ARHGAP28: variants seen among roughly 807,000 people sequenced by gnomAD.
The protein encoded by ARHGAP28 is rho GTPase-activating protein 28.
In ARHGAP28, 56 loss-of-function variants were observed where a neutral mutation model predicts 90.7. The observed-to-expected ratio is 0.62, with a 90% confidence interval of 0.50 to 0.77. The LOEUF (loss-of-function observed/expected upper bound fraction) is 0.77. Among genes scored for constraint, ARHGAP28 ranks in the 30% least tolerant of loss-of-function variants. The pLI is 0.00. For synonymous variants in ARHGAP28, 308 were observed against 323.3 expected (o/e 0.95, Z 0.51); for missense variants, 869 against 900.9 (o/e 0.96, Z 0.45).
intron 16 of ARHGAP28, among the ~76,000 whole-genome samples, chr18:6,907,273 A>G (rs1243847155): frequency 1.3e-5 from 2 of 152,110 alleles, no homozygotes; most frequent in Non-Finnish European, 2.9e-5. Flanking sequence ...TAAATCTCCA[A>G]CTGCCGTATG....
At chr18:6,855,434 T>C (rs1174077278) in intron 4 of ARHGAP28, among the ~76,000 whole-genome samples, 2 of 152,174 alleles carry the variant, frequency 1.3e-5, no homozygotes, top group Admixed American at 1.3e-4. Flanking sequence ...TTCAGGTCTC[T>C]TCAGGATGAC....
At chr18:6,857,614 C>T (rs1184774474) in intron 4 of ARHGAP28, among the ~76,000 whole-genome samples, 2 of 152,162 alleles carry the variant, frequency 1.3e-5, no homozygotes, top group Non-Finnish European at 2.9e-5. Flanking sequence ...GGTGTTTCAT[C>T]TTGTCCTCCT....
intron 3 of ARHGAP28, among the ~76,000 whole-genome samples, chr18:6,845,411 AT>A (rs548591959): frequency 2.2e-4 from 33 of 152,122 alleles, no homozygotes; most frequent in South Asian, 8.3e-4. Flanking sequence ...TTAGAATTGC[AT>A]TTTTTTCTTC....
At chr18:6,836,846 A>G (rs1320649899) in intron 2 of ARHGAP28, among the ~76,000 whole-genome samples, 2 of 152,176 alleles carry the variant, frequency 1.3e-5, no homozygotes, top group Admixed American at 6.5e-5. Context: ...TGAAAAACCA[A>G]TTTGTATTCC....
Position 6,910,964 on chromosome 18 carries a change from C to T in ARHGAP28, c.2096-1096C>T, listed in dbSNP as rs796691355. ...GGTTCACGCCATTCTCCTGCCTCAG[C>T]CTCCGGAGTAGCTGGGATTACAGGC... On this transcript the variant is annotated intron_variant, in intron 17 of 17. Coordinates refer to ENST00000383472, the MANE Select transcript of ARHGAP28 (RefSeq NM_001366230.1). Among the ~76,000 whole-genome samples, 5 of 152,116 alleles carry T rather than the reference C, an allele frequency of 3.3e-5. 1 individual carries two copies. The highest frequency in any genetic ancestry group is 1.2e-4 in the African/African-American group (5 of 41,506).
intron 1 of ARHGAP28, 150 bp from the exon 2 acceptor site, chr18:6,824,612 A>C: frequency 3.3e-6 from 2 of 603,140 alleles, no homozygotes; most frequent in Non-Finnish European, 5.4e-6. Flanking sequence ...CTGAGTGGAG[A>C]TTATTCCCTC....
chr18:6,805,479 CTTTT>C (rs756550297), intron 1 of ARHGAP28, among the ~76,000 whole-genome samples: 923 of 97,508 alleles, frequency 9.5e-3, no homozygotes, highest in Admixed American at 0.014. Context: ...TAACCTTTGC[CTTTT>C]TTTTTTTTTT....
Position 6,841,186 on chromosome 18 carries a change from TCTCTCTCTCTCTCTCTCCTCTC to T in ARHGAP28, c.543+3788_543+3809del, listed in dbSNP as rs1448463549. The stretch of plus-strand genomic sequence containing the variant: ...CTCTCTCCTCTCTCTCTCTCCTCTC[TCTCTCTCTCTCTCTCTCCTCTC>T]CTCTCTCTCTCTCTCCCCCCAACCC... On this transcript the variant is annotated intron_variant, in intron 3 of 17. Transcript: ENST00000383472. Among the ~76,000 whole-genome samples, 85 of 57,756 alleles carry T rather than the reference TCTCTCTCTCTCTCTCTCCTCTC, an allele frequency of 1.5e-3. 1 individual carries two copies. The highest frequency in any genetic ancestry group is 0.012 in the Middle Eastern group (2 of 164). The allele number at this position is 57,756 out of a possible 152,430, so 37.9% of individuals were successfully genotyped here.
At chr18:6,752,150 G>T (rs946846562) in intron 1 of ARHGAP28, among the ~76,000 whole-genome samples, 13 of 152,216 alleles carry the variant, frequency 8.5e-5, no homozygotes, top group Admixed American at 3.3e-4. Flanking sequence ...TTTAATTTTA[G>T]CTCCCTTTAC....
chr18:6,732,090 T>A (rs1023518340), intron 1 of ARHGAP28, among the ~76,000 whole-genome samples: 1 of 80,350 alleles, frequency 1.2e-5, no homozygotes, highest in African/African-American at 3.4e-5. Flanking sequence ...CCTGAGTTTA[T>A]ATGTTTTTAA....
intron 1 of ARHGAP28, among the ~76,000 whole-genome samples, chr18:6,740,946 C>T (rs1281022079): frequency 2.0e-5 from 3 of 152,108 alleles, no homozygotes; most frequent in South Asian, 2.1e-4. Context: ...CTACTGGGTT[C>T]GGGGAAGCAG....
At chr18:6,878,446 G>A (rs921445427) in intron 10 of ARHGAP28, among the ~76,000 whole-genome samples, 11 of 152,030 alleles carry the variant, frequency 7.2e-5, no homozygotes, top group African/African-American at 2.7e-4. Context: ...GTATACATAT[G>A]TAACTAACCT....
At chr18:6,840,304 T>C (rs1462377045) in intron 3 of ARHGAP28, among the ~76,000 whole-genome samples, 2 of 152,212 alleles carry the variant, frequency 1.3e-5, no homozygotes, top group Non-Finnish European at 2.9e-5. Flanking sequence ...GCTTCAGACT[T>C]TGAATTTTGC....
At chr18:6,871,232 C>T (rs1366818022) in intron 7 of ARHGAP28, among the ~76,000 whole-genome samples, 2 of 152,190 alleles carry the variant, frequency 1.3e-5, no homozygotes, top group Non-Finnish European at 2.9e-5. Context: ...CCTGGCTGTA[C>T]CTGTGTGGAG....
intron 1 of ARHGAP28, among the ~76,000 whole-genome samples, chr18:6,750,051 A>T (rs1317355581): frequency 1.1e-4 from 17 of 152,114 alleles, no homozygotes. Flanking sequence ...GGAGAAGGCA[A>T]CTTAAACTCC....
chr18:6,910,852 GT>G (rs749697324), intron 17 of ARHGAP28, among the ~76,000 whole-genome samples: 2,067 of 129,962 alleles, frequency 0.016, 22 homozygotes, highest in Non-Finnish European at 0.024. Context: ...TGTTTGCTTT[GT>G]TTTTTTTTTG....
intron 6 of ARHGAP28, 77 bp downstream of exon 6, chr18:6,868,311 A>C (rs1253262121): frequency 3.0e-6 from 4 of 1,330,416 alleles, no homozygotes; most frequent in Non-Finnish European, 4.3e-6. Flanking sequence ...GTTAGCAGTG[A>C]ATTTCTAAAA....
chr18:6,824,355 G>T (rs533240026), intron 1 of ARHGAP28, among the ~76,000 whole-genome samples: 4 of 152,132 alleles, frequency 2.6e-5, no homozygotes, highest in African/African-American at 9.6e-5. Flanking sequence ...TGACCAACGT[G>T]GTGAAACCCC....
At chr18:6,901,440 G>T (rs2057337763) in intron 16 of ARHGAP28, among the ~76,000 whole-genome samples, 1 of 151,414 alleles carries the variant, frequency 6.6e-6, no homozygotes, top group Non-Finnish European at 1.5e-5. Context: ...CAACTGTACA[G>T]CCAAGAAATC....
Sources: allele counts gnomAD v4.1 joint callset (sites outside exome capture counted in the v4.1 genomes callset), GRCh38; gene constraint gnomAD v4.1.1; transcripts MANE v1.5; gene names NCBI Gene and HGNC (gene_info 2026-07-23, HGNC 2026-07-21).